THSD4: variants seen among roughly 807,000 people sequenced by gnomAD.
The protein encoded by THSD4 is thrombospondin type 1 domain containing 4.
THSD4 carries 69 observed loss-of-function variants against 119.0 expected under a neutral mutation model. The ratio of observed to expected loss-of-function variants is 0.58; its 90% CI spans 0.48 to 0.71. THSD4 has a LOEUF of 0.71. Ranked by LOEUF, THSD4 falls within the 30% of genes least tolerant of loss-of-function variation. The pLI, the probability that THSD4 is intolerant of heterozygous loss-of-function variation, is 0.00. For missense variants in THSD4, 1,393 were observed against 1,391.1 expected, an observed-to-expected ratio of 1.00 and a Z score of -0.02; for synonymous variants, 524 against 540.4, an observed-to-expected ratio of 0.97 and a Z score of 0.42.
At chr15:71,768,155 ATAGAAT>A (rs1467156313) in intron 16 of THSD4, among the ~76,000 whole-genome samples, 3 of 152,282 alleles carry the variant, frequency 2.0e-5, no homozygotes, top group East Asian at 1.9e-4. Context: ...AGGGAATATG[ATAGAAT>A]TAGAATTAGA....
chr15:71,727,988 C>T (rs1033287328), intron 8 of THSD4, among the ~76,000 whole-genome samples: 2 of 151,958 alleles, frequency 1.3e-5, no homozygotes, highest in East Asian at 3.8e-4. Flanking sequence ...GGGCTCCAGC[C>T]GATTGCTGCC....
intron 7 of THSD4, among the ~76,000 whole-genome samples, chr15:71,492,519 T>G (rs2047936861): frequency 6.6e-6 from 1 of 151,994 alleles, no homozygotes; most frequent in Admixed American, 6.6e-5. Flanking sequence ...ACCCCTAACC[T>G]CAAGTGATCC....
Position 71,452,520 on chromosome 15 carries a change from CAA to C in THSD4, c.1152+40717_1152+40718del, listed in dbSNP as rs71281967. Among the ~76,000 whole-genome samples the C allele has an allele frequency of 4.0e-3, 313 of 78,922 alleles. 4 individuals are homozygous for C. The South Asian group carries it at 0.048, about 12-fold the overall frequency. 51.8% of individuals were successfully genotyped at this position (78,922 alleles called of 152,430 possible). A position where few individuals can be genotyped will look rare whatever the true frequency, so the allele number is the denominator to read the frequency against. On this transcript the variant is annotated intron_variant, in intron 7 of 17. Coordinates refer to ENST00000261862, the MANE Select transcript of THSD4 (RefSeq NM_024817.3). Reference sequence around the variant, plus strand: ...GGCTGAAATTGTGGCTCCCCTCCACCAAAAAAAAAAAAAAAAAAAAATTCATA... The same window carrying C: ...GGCTGAAATTGTGGCTCCCCTCCACCAAAAAAAAAAAAAAAAAAATTCATA...
At position 71,365,469 on chromosome 15, in the gene THSD4, C is replaced by T. The variant is rs555783399; in HGVS notation, c.1016-46218C>T. Among the ~76,000 whole-genome samples, 134 of 152,238 alleles carry T rather than the reference C, an allele frequency of 8.8e-4. 4 individuals are homozygous for T. In the South Asian group the frequency reaches 0.027, roughly 30 times the overall value. Reference sequence around the variant, plus strand: ...TGTCTTTCTGCCTGCTTGAGATGCTCTCATGTATTTCCTTGTCTCCCAAAA... The same window carrying T: ...TGTCTTTCTGCCTGCTTGAGATGCTTTCATGTATTTCCTTGTCTCCCAAAA... On this transcript the variant is annotated intron_variant, in intron 6 of 17. Transcript: ENST00000261862.
At chr15:71,425,652 C>T (rs1156964044) in intron 7 of THSD4, among the ~76,000 whole-genome samples, 1 of 152,218 alleles carries the variant, frequency 6.6e-6, no homozygotes. Flanking sequence ...TCCCGTCAGT[C>T]TGGAGTGCCT....
At chr15:71,750,819 C>A (rs1470793769) in intron 14 of THSD4, among the ~76,000 whole-genome samples, 1 of 152,214 alleles carries the variant, frequency 6.6e-6, no homozygotes, top group Non-Finnish European at 1.5e-5. Flanking sequence ...CATCCTAGTT[C>A]TTCGGTGTAT....
At chr15:71,560,896 C>T (rs1049522947) in intron 7 of THSD4, among the ~76,000 whole-genome samples, 2 of 151,734 alleles carry the variant, frequency 1.3e-5, no homozygotes, top group African/African-American at 4.8e-5. Context: ...TTCAAACACA[C>T]AGGCCTGAGC....
chr15:71,284,118 A>C (rs2044687052), intron 6 of THSD4, among the ~76,000 whole-genome samples: 1 of 152,164 alleles, frequency 6.6e-6, no homozygotes, highest in Non-Finnish European at 1.5e-5. Context: ...ATGTGGCCCC[A>C]AGTAGTACAA....
chr15:71,273,219 A>G (rs2044553574), intron 6 of THSD4, among the ~76,000 whole-genome samples: 1 of 152,212 alleles, frequency 6.6e-6, no homozygotes, highest in Non-Finnish European at 1.5e-5. Flanking sequence ...CTGAAAGAAG[A>G]ATGAAATTCT....
At chr15:71,692,053 A>G (rs2052063621) in intron 8 of THSD4, among the ~76,000 whole-genome samples, 1 of 152,198 alleles carries the variant, frequency 6.6e-6, no homozygotes, top group African/African-American at 2.4e-5. Flanking sequence ...AAGTAATCAC[A>G]TGGGTGTGTT....
rs76258454 is a variant in THSD4, at chr15:71,621,336, G to A, written c.1153-39194G>A. On this transcript the variant is annotated intron_variant, in intron 7 of 17. Coordinates refer to ENST00000261862, the MANE Select transcript of THSD4 (RefSeq NM_024817.3). ...AAGTTCAATGGAGATCATTAACATG[G>A]AAAAGAACCCATGAGTTGCTAGGAC... is the stretch of plus-strand genomic sequence containing the variant. Among the ~76,000 whole-genome samples, 1,070 of 152,266 alleles carry A rather than the reference G, an allele frequency of 7.0e-3. 15 individuals are homozygous for A. Among genetic ancestry groups the A allele is most frequent in the African/African-American group, 0.025 (1,031 of 41,552 alleles).
chr15:71,634,879 T>C (rs935182945), intron 7 of THSD4, among the ~76,000 whole-genome samples: 6 of 152,164 alleles, frequency 3.9e-5, no homozygotes, highest in African/African-American at 1.4e-4. Context: ...CTATTTTGAT[T>C]AGCAGCTATT....
rs893709673 is a variant in THSD4 at position 71,215,214 on chromosome 15, T to G, written c.279T>G (p.Pro93=). The change falls in exon 4 of 18, where the codon CCT becomes CCG. Residue 93 remains proline (P), a synonymous_variant. Coordinates refer to ENST00000261862, the MANE Select transcript of THSD4 (RefSeq NM_024817.3). ...RSYRLRGGQR[P]GAPARAFADH... ...ACCGCCTGCGCGGCGGCCAGCGGCC[T>G]GGCGCCCCTGCGCGCGCCTTCGCGG... 1.5e-6 allele frequency: 2 copies of G among 1,375,734 alleles called. No homozygotes were observed. Among genetic ancestry groups the G allele is most frequent in the African/African-American group, 3.1e-5 (2 of 65,546 alleles). The allele number at this position is 1,375,734 out of a possible 1,614,324, so 85.2% of individuals were successfully genotyped here. A position where few individuals can be genotyped will look rare whatever the true frequency, so the allele number is the denominator to read the frequency against.
At chr15:71,399,605 T>C (rs946475865) in intron 6 of THSD4, among the ~76,000 whole-genome samples, 5 of 152,202 alleles carry the variant, frequency 3.3e-5, no homozygotes, top group Non-Finnish European at 7.3e-5. Context: ...TCCCAGGGTG[T>C]CAGCTAGTAG....
chr15:71,511,369 A>G (rs1595843089), intron 7 of THSD4, among the ~76,000 whole-genome samples: 1 of 152,292 alleles, frequency 6.6e-6, no homozygotes, highest in East Asian at 1.9e-4. Context: ...CTACAGCTGA[A>G]GTGGGGAATA....
At chr15:71,470,150 T>G (rs2047554441) in intron 7 of THSD4, among the ~76,000 whole-genome samples, 1 of 152,186 alleles carries the variant, frequency 6.6e-6, no homozygotes, top group Non-Finnish European at 1.5e-5. Context: ...TGTTTTTTGT[T>G]TTTGTTTTTT....
chr15:71,299,292 G>A (rs2044911998), intron 6 of THSD4, among the ~76,000 whole-genome samples: 1 of 152,224 alleles, frequency 6.6e-6, no homozygotes, highest in Non-Finnish European at 1.5e-5. Context: ...TAGAGAAGAA[G>A]CTGTGCTAGG....
chr15:71,356,235 C>T (rs1051364904), intron 6 of THSD4, among the ~76,000 whole-genome samples: 2 of 152,076 alleles, frequency 1.3e-5, no homozygotes, highest in Admixed American at 1.3e-4. Context: ...GTTTATTCTC[C>T]CACTGAGCTG....
intron 7 of THSD4, among the ~76,000 whole-genome samples, chr15:71,606,016 G>T (rs1293353802): frequency 6.6e-6 from 1 of 152,156 alleles, no homozygotes; most frequent in African/African-American, 2.4e-5. Flanking sequence ...TCATCACCTG[G>T]GCCAAGTGTT....
Sources: allele counts gnomAD v4.1 joint callset (sites outside exome capture counted in the v4.1 genomes callset), GRCh38; gene constraint gnomAD v4.1.1; transcripts MANE v1.5; gene names NCBI Gene and HGNC (gene_info 2026-07-23, HGNC 2026-07-21).